COL24A1: variants seen among roughly 807,000 people sequenced by gnomAD.
COL24A1 encodes the protein collagen alpha-1(XXIV) chain.
COL24A1 carries 224 observed loss-of-function variants against 253.9 expected under a neutral mutation model. The observed-to-expected ratio is 0.88, with a 90% CI of 0.79 to 0.99. The LOEUF is 0.99. COL24A1 is among the 50% of genes least tolerant of loss of function. COL24A1 has a pLI of 0.00. For synonymous variants in COL24A1, 685 were observed against 673.7 expected, an observed-to-expected ratio of 1.02 and a Z score of -0.26; for missense variants, 2,131 against 2,068.5, an observed-to-expected ratio of 1.03 and a Z score of -0.59.
At chr1:85,967,513 G>A (rs1691684879) in intron 22 of COL24A1, among the ~76,000 whole-genome samples, 1 of 152,072 alleles carries the variant, frequency 6.6e-6, no homozygotes, top group Admixed American at 6.6e-5. Context: ...GAAAGATGGT[G>A]GTTGGGGAAT....
chr1:85,781,537 T>C (rs1223111577), intron 51 of COL24A1, among the ~76,000 whole-genome samples: 1 of 152,154 alleles, frequency 6.6e-6, no homozygotes, highest in Non-Finnish European at 1.5e-5. Context: ...GATTTTTATG[T>C]GGTGATAACT....
intron 19 of COL24A1, among the ~76,000 whole-genome samples, chr1:85,991,425 G>A (rs568311671): frequency 6.6e-6 from 1 of 152,320 alleles, no homozygotes; most frequent in South Asian, 2.1e-4. Context: ...TTAAAAAGGA[G>A]GAACTGCTTA....
intron 5 of COL24A1, among the ~76,000 whole-genome samples, chr1:86,107,358 G>A (rs941839380): frequency 6.6e-6 from 1 of 152,070 alleles, no homozygotes; most frequent in African/African-American, 2.4e-5. Context: ...ATAAGTGGCA[G>A]ATATTAGATA....
At chr1:85,779,052 G>C (rs576964002) in intron 52 of COL24A1, among the ~76,000 whole-genome samples, 6 of 152,042 alleles carry the variant, frequency 3.9e-5, no homozygotes, top group Admixed American at 3.3e-4. Flanking sequence ...GTTTGCGCAG[G>C]CTGGAGTGCA....
At chr1:85,845,739 CA>C (rs1392852529) in intron 39 of COL24A1, among the ~76,000 whole-genome samples, 3 of 151,244 alleles carry the variant, frequency 2.0e-5, no homozygotes, top group African/African-American at 7.3e-5. Flanking sequence ...GAATAAAACT[CA>C]AAAGCAAAGC....
intron 2 of COL24A1, among the ~76,000 whole-genome samples, chr1:86,141,848 A>AT (rs566799191): frequency 2.6e-5 from 4 of 151,840 alleles, no homozygotes; most frequent in South Asian, 2.1e-4. Context: ...TTACAGGCAT[A>AT]TGCCACCACA....
Position 86,156,475 on chromosome 1 carries a change from T to C in COL24A1, c.-79A>G, listed in dbSNP as rs1653639610. On this transcript the variant is annotated 5_prime_UTR_variant, in exon 1 of 60. Transcript: ENST00000370571. ...TGAACTGCTTAGGGTGCAGGTACTG[T>C]CCATGAAAAAGGGAAAAAACAATCA... 4 of 1,300,142 alleles carry C rather than the reference T, an allele frequency of 3.1e-6. No individual in the cohort carries two copies. Among genetic ancestry groups the C allele is most frequent in the South Asian group, 3.3e-5 (2 of 61,530 alleles). The allele number at this position is 1,300,142 out of a possible 1,614,324, so 80.5% of individuals were successfully genotyped here. A position where few individuals can be genotyped will look rare whatever the true frequency, so the allele number is the denominator to read the frequency against.
intron 2 of COL24A1, among the ~76,000 whole-genome samples, chr1:86,133,809 C>CT (rs147496693): frequency 0.64 from 97,235 of 151,622 alleles, 31,399 homozygotes; most frequent in Non-Finnish European, 0.7. Flanking sequence ...GTCTAAAATT[C>CT]TTTTTTTGTT....
chr1:85,829,995 C>T (rs549434381), intron 43 of COL24A1, among the ~76,000 whole-genome samples: 27 of 152,200 alleles, frequency 1.8e-4, no homozygotes, highest in African/African-American at 5.8e-4. Context: ...GGAGGAGAGG[C>T]GCTCTACTTT....
chr1:86,143,268 C>G (rs1424102051), intron 2 of COL24A1, among the ~76,000 whole-genome samples: 1 of 152,164 alleles, frequency 6.6e-6, no homozygotes, highest in Non-Finnish European at 1.5e-5. Flanking sequence ...TAGAGAACTA[C>G]TGGTCCATAG....
chr1:85,842,498 G>A (rs1336031614), intron 39 of COL24A1, 105 bp from the exon 40 acceptor site: 14 of 803,862 alleles, frequency 1.7e-5, no homozygotes, highest in Non-Finnish European at 2.5e-5. Context: ...GATTTTTCAT[G>A]GTTGAAATTT....
intron 42 of COL24A1, among the ~76,000 whole-genome samples, chr1:85,840,283 A>G (rs1034919081): frequency 6.6e-6 from 1 of 152,102 alleles, no homozygotes; most frequent in Non-Finnish European, 1.5e-5. Context: ...ATTTCCATAT[A>G]TTTCCCTCTC....
intron 19 of COL24A1, among the ~76,000 whole-genome samples, chr1:85,997,655 C>A (rs916144601): frequency 1.3e-5 from 2 of 151,844 alleles, no homozygotes; most frequent in East Asian, 3.9e-4. Flanking sequence ...CGGTGACATG[C>A]GCCTGTAGTC....
chr1:85,997,039 A>ATGTGTGTGTGTGTGTGTGTG (rs1491173763), intron 19 of COL24A1, among the ~76,000 whole-genome samples: 16 of 48,438 alleles, frequency 3.3e-4, no homozygotes, highest in South Asian at 2.4e-3. Context: ...ATATATATAT[A>ATGTGTGTGTGTGTGTGTGTG]TATGTGTGTG....
chr1:85,809,148 A>G (rs1477618005), intron 47 of COL24A1, among the ~76,000 whole-genome samples: 1 of 152,188 alleles, frequency 6.6e-6, no homozygotes, highest in Non-Finnish European at 1.5e-5. Flanking sequence ...CTCTGGCCAT[A>G]TAACTCCTGA....
At chr1:85,891,532 T>G (rs1199934817) in intron 31 of COL24A1, among the ~76,000 whole-genome samples, 1 of 152,222 alleles carries the variant, frequency 6.6e-6, no homozygotes, top group African/African-American at 2.4e-5. Flanking sequence ...TTATAATCTT[T>G]AATGCTATGT....
chr1:85,833,448 G>T (rs1260243063), intron 43 of COL24A1, among the ~76,000 whole-genome samples: 8 of 151,770 alleles, frequency 5.3e-5, no homozygotes, highest in Non-Finnish European at 7.4e-5. Context: ...ATGGTGATCA[G>T]TAAAAAGTCA....
intron 5 of COL24A1, among the ~76,000 whole-genome samples, chr1:86,106,599 C>T (rs537134675): frequency 1.3e-5 from 2 of 152,116 alleles, no homozygotes; most frequent in African/African-American, 2.4e-5. Context: ...CATAATTTTA[C>T]GTGTTTAATT....
At chr1:85,778,052 T>TCTAC (rs1558087140) in intron 52 of COL24A1, among the ~76,000 whole-genome samples, 1 of 151,884 alleles carries the variant, frequency 6.6e-6, no homozygotes, top group East Asian at 1.9e-4. Flanking sequence ...TATCTATCTA[T>TCTAC]CTATCTATCT....
Sources: allele counts gnomAD v4.1 joint callset (sites outside exome capture counted in the v4.1 genomes callset), GRCh38; gene constraint gnomAD v4.1.1; transcripts MANE v1.5; gene names NCBI Gene and HGNC (gene_info 2026-07-23, HGNC 2026-07-21).